Variants in CHRNB4 observed in about 807,000 individuals in gnomAD.
CHRNB4 encodes the protein cholinergic receptor nicotinic beta 4 subunit.
Under a neutral mutation model 40.4 loss-of-function variants are expected in CHRNB4, and 23 were observed. The ratio of observed to expected loss-of-function variants is 0.57; its 90% CI spans 0.41 to 0.81. CHRNB4 has a LOEUF of 0.81. Among genes scored for constraint, CHRNB4 ranks in the 30% least tolerant of loss-of-function variants. The probability of loss-of-function intolerance (pLI) is 0.00; values close to 1 mark genes in which losing one functional copy is unlikely to be tolerated. For synonymous variants in CHRNB4, 285 were observed against 274.4 expected, an observed-to-expected ratio of 1.04 and a Z score of -0.38; for missense variants, 568 against 670.6, an observed-to-expected ratio of 0.85 and a Z score of 1.69.
At chr15:78,632,658 CTA>C (rs1480915126) in intron 2 of CHRNB4, among the ~76,000 whole-genome samples, 6 of 152,048 alleles carry the variant, frequency 3.9e-5, no homozygotes, top group African/African-American at 1.4e-4. Flanking sequence ...CACCATCTAT[CTA>C]TCTGTGTATT....
At chr15:78,655,245 T>C (rs1335399981) in intron 5 of CHRNB4, among the ~76,000 whole-genome samples, 4 of 151,424 alleles carry the variant, frequency 2.6e-5, no homozygotes, top group Admixed American at 1.3e-4. Context: ...ACTTGCTCTG[T>C]CACCTAGACT....
chr15:78,629,812 G>A lies in CHRNB4; in HGVS notation c.493C>T (p.Gln165Ter). 6.2e-7 allele frequency: 1 copy of A among 1,614,162 alleles called. No individual in the cohort carries two copies. Among genetic ancestry groups the A allele is most frequent in the Non-Finnish European group, 8.5e-7 (1 of 1,180,040 alleles). The stretch of plus-strand genomic sequence containing the variant: ...GAGCGGAACTTGAGGGTGCAGTTCT[G>A]CTGGTCGAAGGGAAAGTACTTCACC... ...IEVKYFPFDQQNCTLKFRSWT... is the reference protein window; with the variant it reads ...IEVKYFPFDQ Residue 165 changes from glutamine to a stop codon, truncating the protein, a stop_gained, in exon 5 of 6, where the codon CAG (glutamine) becomes TAG (stop). Coordinates refer to ENST00000261751, the MANE Select transcript of CHRNB4 (RefSeq NM_000750.5). LOFTEE classifies it high-confidence loss of function. This position sits in a 1 kb window ranked among gnomAD's most constrained non-coding sequence, Gnocchi z 6.8.
At chr15:78,661,466 T>C (rs888390114), upstream of CHRNB4, 15 of 519,940 alleles carry the variant, frequency 2.9e-5, no homozygotes, top group Non-Finnish European at 4.9e-5. Flanking sequence ...GCCTCTTCAG[T>C]ACAACCTGGT....
Position 78,625,074 on chromosome 15 carries a change from A to C in CHRNB4, c.*59T>G, listed in dbSNP as rs575259996. The C allele has an allele frequency of 1.4e-4, 231 of 1,612,040 alleles. No individual in the cohort carries two copies. Among genetic ancestry groups the C allele is most frequent in the Middle Eastern group, 3.3e-4 (2 of 6,062 alleles). ...GCCTCATCAGCCACAACCCAGAAAG[A>C]AGCAGCAAAGTGCCCACCCGGCCAC... On this transcript the variant is annotated 3_prime_UTR_variant, in exon 6 of 6. Coordinates refer to ENST00000261751, the MANE Select transcript of CHRNB4 (RefSeq NM_000750.5).
At chr15:78,625,369 C>T in intron 5 of CHRNB4, 78 bp from the exon 6 acceptor site, 1 of 1,366,496 alleles carries the variant, frequency 7.3e-7, no homozygotes, top group Non-Finnish European at 1.0e-6. Context: ...CCCTTACTCT[C>T]TGGCCAGGGA....
rs554406891 is a variant in CHRNB4, at chr15:78,657,812, A to G, written c.-760-429T>C. Among the ~76,000 whole-genome samples the G allele has an allele frequency of 9.5e-4, 145 of 151,970 alleles. 1 individual carries two copies. The highest frequency in any genetic ancestry group is 3.7e-3 in the Admixed American group (57 of 15,236). On this transcript the variant is annotated intron_variant and NMD_transcript_variant, in intron 2 of 11. Transcript: ENST00000559849. ...CATGATCTGCCCGCCTCGGCCTCCC[A>G]AAGTGCTGGAATTACAGGCCTGAGC...
At chr15:78,645,133 C>G (rs968109007), upstream of CHRNB4, among the ~76,000 whole-genome samples, 3 of 152,166 alleles carry the variant, frequency 2.0e-5, no homozygotes, top group African/African-American at 7.2e-5. Context: ...GACTGTTATA[C>G]TGGGCCATTG....
At chr15:78,652,579 T>C (rs1019459488) in exon 6 of CHRNB4, 1 of 152,274 alleles carries the variant, frequency 6.6e-6, no homozygotes, top group Non-Finnish European at 1.5e-5. Context: ...GCCTGATACC[T>C]TGCTCAGTCT....
intron 1 of CHRNB4, among the ~76,000 whole-genome samples, chr15:78,637,713 G>A (rs1203899693): frequency 1.3e-5 from 2 of 152,134 alleles, no homozygotes; most frequent in African/African-American, 2.4e-5. Flanking sequence ...GGGAGCAGCC[G>A]CCACCCTGCC....
upstream of CHRNB4, among the ~76,000 whole-genome samples, chr15:78,642,178 A>C (rs2054085255): frequency 1.3e-5 from 2 of 152,200 alleles, no homozygotes; most frequent in South Asian, 2.1e-4. Context: ...ATTTTGCTAT[A>C]ATCTGACATG....
At chr15:78,655,124 A>G (rs1325687741) in intron 5 of CHRNB4, among the ~76,000 whole-genome samples, 1 of 152,064 alleles carries the variant, frequency 6.6e-6, no homozygotes, top group Non-Finnish European at 1.5e-5. Flanking sequence ...CGCTCCCTCC[A>G]ATCCTGTCCC....
At chr15:78,650,602 A>G (rs1254021925) in intron 6 of CHRNB4, among the ~76,000 whole-genome samples, 1 of 152,204 alleles carries the variant, frequency 6.6e-6, no homozygotes, top group African/African-American at 2.4e-5. Context: ...AGAGTTGGCC[A>G]AAAGGGGCAT....
Position 78,625,223 on chromosome 15 carries a change from C to A in CHRNB4, c.1407G>T (p.Val469=). The A allele has an allele frequency of 1.3e-6, 2 of 1,593,296 alleles. No individual in the cohort carries two copies. Residue 469 remains valine (V), a synonymous_variant, in exon 6 of 6, where the codon GTG becomes GTT. Transcript: ENST00000261751. ...DRLFLWVFMF[V]CVLGTVGLFL... is the part of the protein sequence containing the mutation. ...AGAGCCCCACAGTGCCCAGGACGCA[C>A]ACAAACATGAACACCCACAGGAACA...
chr15:78,652,091 G>A (rs2054177196), intron 6 of CHRNB4, among the ~76,000 whole-genome samples: 1 of 152,220 alleles, frequency 6.6e-6, no homozygotes, highest in African/African-American at 2.4e-5. Flanking sequence ...TTGAACCTGT[G>A]ATTACCAAGC....
upstream of CHRNB4, among the ~76,000 whole-genome samples, chr15:78,643,857 AAG>A (rs1300189891): frequency 6.6e-6 from 1 of 152,186 alleles, no homozygotes; most frequent in East Asian, 1.9e-4. Flanking sequence ...GAAATAGAAA[AAG>A]AGATTCTAGG....
At position 78,629,055 on chromosome 15, in the gene CHRNB4, G is replaced by C; in HGVS notation, c.1250C>G (p.Ser417Cys). The part of the protein sequence containing the change: ...AIPRDFWLRS[S>C]GRFRQDVQEA... Reference sequence around the variant, plus strand: ...CTGCACATCCTGTCGGAACCTCCCAGAGGACCGCAGCCAGAAATCCCTGGG... The same window carrying C: ...CTGCACATCCTGTCGGAACCTCCCACAGGACCGCAGCCAGAAATCCCTGGG... Residue 417 changes from serine (S) to cysteine (C), a missense_variant, in exon 5 of 6, where the codon TCT (serine) becomes TGT (cysteine). Physicochemically the swap from Ser to Cys is moderately radical, Grantham distance 112 (BLOSUM62 -1). This residue lies in a region of CHRNB4 where 242 missense variants were observed against 274.9 expected (regional missense o/e 0.88). Coordinates refer to ENST00000261751, the MANE Select transcript of CHRNB4 (RefSeq NM_000750.5). This position sits in a 1 kb window ranked among gnomAD's most constrained non-coding sequence, Gnocchi z 6.8. 1 of 1,614,174 alleles carries C rather than the reference G, an allele frequency of 6.2e-7. No homozygotes were observed. The highest frequency in any genetic ancestry group is 8.5e-7 in the Non-Finnish European group (1 of 1,180,046).
rs149832833 is a variant in CHRNB4 at position 78,631,109 on chromosome 15, C to T, written c.326G>A (p.Arg109His). 2.4e-5 allele frequency: 39 copies of T among 1,614,192 alleles called. No individual in the cohort carries two copies. In the African/African-American group the frequency reaches 4.1e-4, roughly 17 times the overall value. Residue 109 changes from arginine to histidine, a missense_variant, in exon 4 of 6, where the codon CGC becomes CAC. Coordinates refer to ENST00000261751, the MANE Select transcript of CHRNB4 (RefSeq NM_000750.5). ...AAGCACGATGTCAGGCAACCAGATG[C>T]GCTTTGCAGGGATCCTCAGGATGTT... ...GVNILRIPAK[R>H]IWLPDIVLYN...
At chr15:78,640,989 G>A (rs1050999681) in intron 1 of CHRNB4, 90 bp downstream of exon 1, 21 of 1,405,890 alleles carry the variant, frequency 1.5e-5, no homozygotes, top group Non-Finnish European at 1.8e-5. Flanking sequence ...CCGGGCGCAG[G>A]GCACCCTCCC....
rs145247895 is a variant in CHRNB4 at position 78,646,353 on chromosome 15, G to A, written c.46+3026C>T. 3.5e-3 allele frequency among the ~76,000 whole-genome samples: 536 copies of A among 152,240 alleles called. 1 individual carries two copies. The highest frequency in any genetic ancestry group is 0.012 in the African/African-American group (492 of 41,550). ...TACAACTAGATCCCTAGTTCACACC[G>A]TACCAAAAATAAAATCCAGGTTCAT... On this transcript the variant is annotated intron_variant and NMD_transcript_variant, in intron 7 of 11. Coordinates refer to the CHRNB4 transcript ENST00000559849.
Sources: allele counts gnomAD v4.1 joint callset (sites outside exome capture counted in the v4.1 genomes callset), GRCh38; gene constraint gnomAD v4.1.1; regional missense constraint gnomAD v4.1.1; non-coding constraint Gnocchi (gnomAD v3.1); transcripts MANE v1.5; gene names NCBI Gene and HGNC (gene_info 2026-07-23, HGNC 2026-07-21).